The following GLRA2 variants were observed in gnomAD, a reference collection of about 807,000 sequenced individuals.
GLRA2 encodes the protein glycine receptor alpha 2, also known as glycine receptor subunit alpha-2.
A neutral mutation model predicts 31.6 loss-of-function variants in GLRA2; 11 were observed. The ratio of observed to expected loss-of-function variants is 0.35; its 90% CI spans 0.22 to 0.58. GLRA2 has a LOEUF of 0.58. Ranked by LOEUF, GLRA2 falls within the 20% of genes least tolerant of loss-of-function variation. GLRA2 has a pLI of 0.84. For synonymous variants in GLRA2, 132 were observed against 134.0 expected, an observed-to-expected ratio of 0.99 and a Z score of 0.10; for missense variants, 212 against 351.8, an observed-to-expected ratio of 0.60 and a Z score of 3.18.
chrX:14,538,919 A>G (rs2089362886), intron 2 of GLRA2, among the ~76,000 whole-genome samples: 2 of 111,766 alleles, frequency 1.8e-5, no homozygotes, highest in Non-Finnish European at 3.8e-5. Flanking sequence ...ATGGAAGCCC[A>G]TAATTTAGTC....
chrX:14,519,839 T>C, the GLRA2 span, among the ~76,000 whole-genome samples: 2 of 112,183 alleles, frequency 1.8e-5, no homozygotes, highest in African/African-American at 3.2e-5. Flanking sequence ...CTTTGTCTAA[T>C]CTTCAAAGAA....
At chrX:14,716,488 G>T (rs1421951564) in intron 8 of GLRA2, among the ~76,000 whole-genome samples, 1 of 111,702 alleles carries the variant, frequency 9.0e-6, no homozygotes, top group Non-Finnish European at 1.9e-5. Context: ...GCTGCAGAAA[G>T]GACTACAATT....
At chrX:14,580,333 A>C (rs1384794241) in intron 3 of GLRA2, among the ~76,000 whole-genome samples, 1 of 112,692 alleles carries the variant, frequency 8.9e-6, no homozygotes, top group Non-Finnish European at 1.9e-5. Context: ...CTGAAACCAC[A>C]GACTGGCTTG....
intron 7 of GLRA2, among the ~76,000 whole-genome samples, chrX:14,632,462 A>C (rs931229712): frequency 3.6e-5 from 4 of 111,885 alleles, no homozygotes; most frequent in Non-Finnish European, 5.6e-5. Context: ...ACTATTTATT[A>C]AATATATCAT....
chrX:14,722,177 T>G (rs149615557), intron 8 of GLRA2, among the ~76,000 whole-genome samples: 258 of 112,330 alleles, frequency 2.3e-3, no homozygotes, highest in Non-Finnish European at 3.7e-3. Context: ...TTCTGTGTGT[T>G]AAGAATTTGG....
At chrX:14,622,908 G>T (rs1448164039) in intron 7 of GLRA2, among the ~76,000 whole-genome samples, 10 of 111,678 alleles carry the variant, frequency 9.0e-5, no homozygotes, top group Middle Eastern at 4.6e-3. Context: ...AGCTTGAAGG[G>T]GATGGCATTG....
In GLRA2 at chrX:14,592,908, A is replaced by C. The variant is rs771254973; in HGVS notation, c.495-11407A>C. On this transcript the variant is annotated intron_variant, in intron 4 of 8. Coordinates refer to ENST00000218075, the MANE Select transcript of GLRA2 (RefSeq NM_002063.4). ...TTGACTGAATATGTAGACTAAAGGA[A>C]TCATGTGGTAGATTTGAGCCAGCAG... 1.3e-3 allele frequency among the ~76,000 whole-genome samples: 151 copies of C among 112,276 alleles called. 1 individual carries two copies. Among genetic ancestry groups the C allele is most frequent in the Non-Finnish European group, 2.4e-3 (130 of 53,227 alleles).
the GLRA2 span, among the ~76,000 whole-genome samples, chrX:14,474,098 G>T: frequency 8.9e-6 from 1 of 111,866 alleles, no homozygotes; most frequent in South Asian, 3.8e-4. Flanking sequence ...GGCTGTGTGT[G>T]TACAACTACC....
At chrX:14,631,226 C>G (rs73437220) in intron 7 of GLRA2, among the ~76,000 whole-genome samples, 1,610 of 111,437 alleles carry the variant, frequency 0.014, 32 homozygotes, top group African/African-American at 0.05. Context: ...AGACACAGTA[C>G]TCATCTCTAG....
At chrX:14,466,871 G>A in the GLRA2 span, among the ~76,000 whole-genome samples, 1 of 112,005 alleles carries the variant, frequency 8.9e-6, no homozygotes, top group African/African-American at 3.2e-5. Flanking sequence ...ATAGACTAAA[G>A]CCATGGACTG....
intron 8 of GLRA2, among the ~76,000 whole-genome samples, chrX:14,719,070 G>A (rs2091830385): frequency 9.0e-6 from 1 of 111,684 alleles, no homozygotes; most frequent in African/African-American, 3.3e-5. Context: ...TCCCTCCCAC[G>A]TGCAAAATAT....
At chrX:14,477,013 G>A in the GLRA2 span, among the ~76,000 whole-genome samples, 9 of 111,741 alleles carry the variant, frequency 8.1e-5, no homozygotes, top group African/African-American at 2.6e-4. Flanking sequence ...AGGGATAGGG[G>A]ACTCATCCCT....
At chrX:14,473,031 A>G in the GLRA2 span, among the ~76,000 whole-genome samples, 1 of 111,444 alleles carries the variant, frequency 9.0e-6, no homozygotes, top group African/African-American at 3.3e-5. Context: ...GATGTGTCTT[A>G]GAATCAGACA....
intron 7 of GLRA2, among the ~76,000 whole-genome samples, chrX:14,671,880 T>TATC (rs1430246984): frequency 4.4e-5 from 5 of 112,464 alleles, no homozygotes; most frequent in African/African-American, 1.6e-4. Context: ...GAATAGACAT[T>TATC]ATCAGATGAT....
chrX:14,518,991 A>G, the GLRA2 span, among the ~76,000 whole-genome samples: 18 of 98,828 alleles, frequency 1.8e-4, no homozygotes, highest in Non-Finnish European at 3.1e-4. Flanking sequence ...CAGCCTGGGC[A>G]ACAGAGCCAG....
At chrX:14,680,818 T>G (rs2091193537) in intron 7 of GLRA2, among the ~76,000 whole-genome samples, 1 of 111,901 alleles carries the variant, frequency 8.9e-6, no homozygotes, top group African/African-American at 3.3e-5. Context: ...AAGCCAAATA[T>G]GAGCTTGGTC....
rs145609932 is a variant in GLRA2 at position 14,713,091 on chromosome X, T to G, written c.1081-17116T>G. Among the ~76,000 whole-genome samples, 369 of 111,909 alleles carry G rather than the reference T, an allele frequency of 3.3e-3. 1 individual carries two copies. The highest frequency in any genetic ancestry group is 0.011 in the African/African-American group (332 of 30,801). On this transcript the variant is annotated intron_variant, in intron 8 of 8. Coordinates refer to ENST00000218075, the MANE Select transcript of GLRA2 (RefSeq NM_002063.4). ...TTGGCACCAAGTGTGTGGATATATA[T>G]AGAGAGAGAAGTTGAAGCACGATAA...
chrX:14,491,083 C>A, the GLRA2 span, among the ~76,000 whole-genome samples: 2 of 111,915 alleles, frequency 1.8e-5, no homozygotes, highest in Non-Finnish European at 3.8e-5. Context: ...AAAATTTGCT[C>A]ACATAGGCCT....
chrX:14,478,588 T>G, the GLRA2 span, among the ~76,000 whole-genome samples: 1 of 112,246 alleles, frequency 8.9e-6, no homozygotes, highest in African/African-American at 3.2e-5. Flanking sequence ...ATTGAGAACC[T>G]GCTATATGCA....
Sources: gnomAD v4.1 joint callset for allele counts (sites outside exome capture counted in the v4.1 genomes callset) on GRCh38, gnomAD v4.1.1 for gene constraint, MANE v1.5 for transcripts, NCBI Gene and HGNC (gene_info 2026-07-23, HGNC 2026-07-21) for gene names.